Variants in STK33 observed in about 807,000 individuals in gnomAD.
STK33 encodes serine/threonine kinase 33.
Under a neutral mutation model 58.0 loss-of-function variants are expected in STK33, and 52 were observed. The ratio of observed to expected loss-of-function variants is 0.90; its 90% CI spans 0.72 to 1.13. STK33 has a LOEUF of 1.13. Among genes scored for constraint, STK33 ranks in the 50% most tolerant of loss-of-function variants. The pLI, the probability that STK33 is intolerant of heterozygous loss-of-function variation, is 0.00. For missense variants in STK33, 630 were observed against 604.2 expected (o/e 1.04, Z -0.45); for synonymous variants, 215 against 200.1 (o/e 1.07, Z -0.63).
chr11:8,579,499 C>T (rs1565410125), intron 1 of STK33, among the ~76,000 whole-genome samples: 1 of 151,768 alleles, frequency 6.6e-6, no homozygotes, highest in Non-Finnish European at 1.5e-5. Context: ...ATTTTTATCT[C>T]TCTTGTAGAT....
chr11:8,561,366 C>T (rs1023276393), intron 1 of STK33, among the ~76,000 whole-genome samples: 3 of 152,316 alleles, frequency 2.0e-5, no homozygotes, highest in Non-Finnish European at 4.4e-5. Context: ...TGTTCAACTG[C>T]CTCCTGGCTT....
intron 1 of STK33, among the ~76,000 whole-genome samples, chr11:8,504,061 T>G (rs1475082208): frequency 6.6e-6 from 1 of 152,170 alleles, no homozygotes; most frequent in Admixed American, 6.6e-5. Flanking sequence ...AAATAGTCAT[T>G]TGTTTGCTCT....
the STK33 span, among the ~76,000 whole-genome samples, chr11:8,365,904 C>G: frequency 6.6e-6 from 1 of 152,216 alleles, no homozygotes; most frequent in Non-Finnish European, 1.5e-5. Flanking sequence ...GTCCTTCCAG[C>G]TCTGGTCTCA....
Position 8,454,746 on chromosome 11 carries a change from T to C in STK33, c.784A>G (p.Lys262Glu). 1 of 1,570,474 alleles carries C rather than the reference T, an allele frequency of 6.4e-7. No homozygotes were observed. Among genetic ancestry groups the C allele is most frequent in the Non-Finnish European group, 8.6e-7 (1 of 1,157,616 alleles). The change falls in exon 10 of 16, where the codon AAG becomes GAG. Residue 262 changes from lysine (K) to glutamate (E), a missense_variant and splice_region_variant. Lys to Glu is a moderately conservative substitution (Grantham distance 56, BLOSUM62 1). Coordinates refer to ENST00000687296, the MANE Select transcript of STK33 (RefSeq NM_001352389.2). The part of the protein sequence containing the change: ...DDNNEINLNI[K>E]VTDFGLAVKK... ...TTTACCACCATTGCTAATCTTACCT[T>C]TATGTTTAAGTTTATTTCATTGTTA...
chr11:8,531,414 A>C (rs1954538510), intron 1 of STK33, among the ~76,000 whole-genome samples: 1 of 152,266 alleles, frequency 6.6e-6, no homozygotes, highest in African/African-American at 2.4e-5. Flanking sequence ...CTTTAGGTCA[A>C]GAATTCAGAC....
At chr11:8,562,938 A>AAGTAAGTAAG (rs1957211694) in intron 1 of STK33, among the ~76,000 whole-genome samples, 2 of 152,308 alleles carry the variant, frequency 1.3e-5, no homozygotes, top group East Asian at 3.9e-4. Context: ...TAGCAGATCA[A>AAGTAAGTAAG]TAAGTAAGTA....
the STK33 span, among the ~76,000 whole-genome samples, chr11:8,377,989 G>A: frequency 6.6e-6 from 1 of 152,312 alleles, no homozygotes; most frequent in African/African-American, 2.4e-5. Flanking sequence ...CCAAGCTCAT[G>A]AACTAGAAGA....
At chr11:8,443,694 G>A (rs780062961) in intron 11 of STK33, among the ~76,000 whole-genome samples, 178 of 151,870 alleles carry the variant, frequency 1.2e-3, no homozygotes, top group Non-Finnish European at 2.8e-4. Flanking sequence ...ATTCAACTTA[G>A]GAAGTTATAA....
intron 1 of STK33, among the ~76,000 whole-genome samples, chr11:8,493,414 G>A (rs935021354): frequency 1.3e-5 from 2 of 152,102 alleles, no homozygotes; most frequent in East Asian, 1.9e-4. Context: ...TTCAATCTCT[G>A]AATAGACCAA....
At chr11:8,589,909 T>C (rs985229872) in intron 1 of STK33, among the ~76,000 whole-genome samples, 3 of 152,316 alleles carry the variant, frequency 2.0e-5, no homozygotes, top group Middle Eastern at 3.4e-3. Context: ...GATAAATATT[T>C]GCTTTCTTCC....
chr11:8,415,093 T>C (rs1940925659), intron 14 of STK33, among the ~76,000 whole-genome samples: 1 of 152,070 alleles, frequency 6.6e-6, no homozygotes, highest in Non-Finnish European at 1.5e-5. Flanking sequence ...CTCTTACAAC[T>C]TCTTGGCTTC....
the STK33 span, among the ~76,000 whole-genome samples, chr11:8,372,584 G>C: frequency 3.9e-5 from 6 of 152,384 alleles, no homozygotes; most frequent in African/African-American, 1.4e-4. Flanking sequence ...TTGGCGCTTA[G>C]ACTTTGGATT....
At chr11:8,461,349 A>G (rs576179499) in intron 8 of STK33, among the ~76,000 whole-genome samples, 41 of 152,380 alleles carry the variant, frequency 2.7e-4, no homozygotes, top group African/African-American at 9.6e-4. Context: ...AAATATGAAG[A>G]TAAAACATAT....
the STK33 span, among the ~76,000 whole-genome samples, chr11:8,343,068 C>G: frequency 6.6e-6 from 1 of 152,238 alleles, no homozygotes; most frequent in Admixed American, 6.5e-5. Context: ...AAACCACATA[C>G]GATCGTTTCC....
chr11:8,473,296 T>TAAAA lies in STK33; in HGVS notation c.226-24_226-21dup. 8.8e-7 allele frequency: 1 copy of TAAAA among 1,139,272 alleles called. No individual in the cohort carries two copies. Among genetic ancestry groups the TAAAA allele is most frequent in the African/African-American group, 1.6e-5 (1 of 61,740 alleles). The allele number at this position is 1,139,272 out of a possible 1,614,324, so 70.6% of individuals were successfully genotyped here. A position where few individuals can be genotyped will look rare whatever the true frequency, so the allele number is the denominator to read the frequency against. On this transcript the variant is annotated intron_variant, in intron 5 of 15. Coordinates refer to ENST00000687296, the MANE Select transcript of STK33 (RefSeq NM_001352389.2). ...TGAGGGCTGGGACCAAAAAAAAAAT[T>TAAAA]AAAAAAAAAAAACTTTAAGATGTAA...
At chr11:8,554,284 T>C (rs1191269305) in intron 1 of STK33, among the ~76,000 whole-genome samples, 2 of 148,848 alleles carry the variant, frequency 1.3e-5, no homozygotes, top group Non-Finnish European at 2.9e-5. Context: ...CCAAGCATGG[T>C]GGCATGCACC....
intron 11 of STK33, among the ~76,000 whole-genome samples, chr11:8,452,159 C>T (rs1461173312): frequency 1.3e-5 from 2 of 151,898 alleles, no homozygotes; most frequent in South Asian, 2.1e-4. Flanking sequence ...GCCCAGACTG[C>T]GCCACTGCAC....
At chr11:8,420,825 C>T (rs1941807608) in intron 14 of STK33, among the ~76,000 whole-genome samples, 1 of 151,980 alleles carries the variant, frequency 6.6e-6, no homozygotes, top group Non-Finnish European at 1.5e-5. Context: ...AGGGATACCC[C>T]TACTTTACAA....
At position 8,454,731 on chromosome 11, in the gene STK33, T is replaced by C. The variant is rs200664205; in HGVS notation, c.786+13A>G. 1.5e-5 allele frequency: 24 copies of C among 1,563,768 alleles called. No homozygotes were observed. The highest frequency in any genetic ancestry group is 1.2e-4 in the African/African-American group (9 of 72,898). On this transcript the variant is annotated intron_variant, in intron 10 of 15. Transcript: ENST00000687296. ...GTTTACAGGCAAATATTTACCACCATTGCTAATCTTACCTTTATGTTTAAG... is the reference window on the plus strand; with the variant it reads ...GTTTACAGGCAAATATTTACCACCACTGCTAATCTTACCTTTATGTTTAAG...
Sources: gnomAD v4.1 joint callset for allele counts (sites outside exome capture counted in the v4.1 genomes callset) on GRCh38, gnomAD v4.1.1 for gene constraint, MANE v1.5 for transcripts, NCBI Gene and HGNC (gene_info 2026-07-23, HGNC 2026-07-21) for gene names.